Variants in TBC1D8 observed in about 807,000 individuals in gnomAD.
TBC1D8 encodes TBC1 domain family member 8, also known as BUB2-like protein 1.
A neutral mutation model predicts 118.8 loss-of-function variants in TBC1D8; 65 were observed. The observed-to-expected ratio is 0.55, with a 90% CI of 0.45 to 0.67. TBC1D8 has a LOEUF of 0.67. Among genes scored for constraint, TBC1D8 ranks in the 30% least tolerant of loss-of-function variants. TBC1D8 has a pLI of 0.00. For missense variants in TBC1D8, 1,376 were observed against 1,471.2 expected (o/e 0.94, Z 1.06); for synonymous variants, 566 against 595.8 (o/e 0.95, Z 0.73).
rs62152492 is a variant in TBC1D8, at chr2:101,134,205, A to T, written c.127+16922T>A. 3.0e-3 allele frequency among the ~76,000 whole-genome samples: 211 copies of T among 70,480 alleles called. 1 individual carries two copies. The highest frequency in any genetic ancestry group is 5.7e-3 in the African/African-American group (88 of 15,380). 46.2% of individuals were successfully genotyped at this position (70,480 alleles called of 152,430 possible). On this transcript the variant is annotated intron_variant, in intron 1 of 19. Transcript: ENST00000409318. ...CTCTCTCTCTCTCTCTCTCACACAC[A>T]CACACACACACACACACACACACAC...
chr2:101,113,389 T>TA (rs60168240), intron 1 of TBC1D8, among the ~76,000 whole-genome samples: 130 of 146,158 alleles, frequency 8.9e-4, no homozygotes, highest in South Asian at 6.9e-3. Flanking sequence ...AATTGGAAGT[T>TA]AAAAAAAAAA....
chr2:101,143,280 C>T (rs923742673), intron 1 of TBC1D8, among the ~76,000 whole-genome samples: 2 of 151,996 alleles, frequency 1.3e-5, no homozygotes, highest in African/African-American at 4.8e-5. Context: ...CCAGGCTGGT[C>T]TCGAACTGCT....
intron 1 of TBC1D8, among the ~76,000 whole-genome samples, chr2:101,137,234 T>C (rs891280266): frequency 6.6e-6 from 1 of 151,874 alleles, no homozygotes; most frequent in African/African-American, 2.4e-5. Flanking sequence ...AGTTTCACCA[T>C]GTTGGTCAGG....
At chr2:101,095,031 G>C (rs1676306811) in intron 1 of TBC1D8, among the ~76,000 whole-genome samples, 1 of 152,118 alleles carries the variant, frequency 6.6e-6, no homozygotes, top group Non-Finnish European at 1.5e-5. Context: ...TGGAGGCTGA[G>C]TGTGTAAGAA....
chr2:101,102,391 T>G (rs62155204), intron 1 of TBC1D8, among the ~76,000 whole-genome samples: 1,983 of 151,700 alleles, frequency 0.013, 33 homozygotes, highest in Non-Finnish European at 0.017. Flanking sequence ...GAGGCAGACA[T>G]AGCAGTGAGC....
At chr2:101,073,877 T>C (rs936346729) in intron 2 of TBC1D8, among the ~76,000 whole-genome samples, 3 of 152,254 alleles carry the variant, frequency 2.0e-5, no homozygotes, top group Non-Finnish European at 4.4e-5. Context: ...AGAGATGTTG[T>C]GGCTTGTTTG....
intron 2 of TBC1D8, among the ~76,000 whole-genome samples, chr2:101,062,708 T>C (rs958073215): frequency 6.6e-6 from 1 of 152,182 alleles, no homozygotes; most frequent in Non-Finnish European, 1.5e-5. Flanking sequence ...AGTGGTATGA[T>C]CTTGGCTCAC....
At position 101,071,373 on chromosome 2, in the gene TBC1D8, AT is replaced by A. The variant is rs1051444717; in HGVS notation, c.284-11835del. On this transcript the variant is annotated intron_variant, in intron 2 of 19. Transcript: ENST00000409318. ...AACAAACAAACAAACAAACAAATAA[AT>A]AAATAAATAAATAAATAAGCATCGG... Among the ~76,000 whole-genome samples the A allele has an allele frequency of 6.1e-4, 92 of 151,492 alleles. No individual in the cohort carries two copies. In the South Asian group the frequency reaches 0.01, roughly 17 times the overall value.
intron 2 of TBC1D8, among the ~76,000 whole-genome samples, chr2:101,089,769 C>T (rs1460602160): frequency 6.6e-6 from 1 of 152,000 alleles, no homozygotes; most frequent in Non-Finnish European, 1.5e-5. Context: ...TGTATGCATC[C>T]AGGAGCACAT....
intron 1 of TBC1D8, among the ~76,000 whole-genome samples, chr2:101,116,669 C>A (rs1208249721): frequency 6.7e-6 from 1 of 149,880 alleles, no homozygotes; most frequent in Non-Finnish European, 1.5e-5. Context: ...GAGACAGAGT[C>A]TCCCTCTGTC....
rs780754738 is a variant in TBC1D8, at chr2:101,008,053, C to T, written c.3236G>A (p.Gly1079Glu). ...TGCCTGGGAGTCCTGGGGCGTCTTC[C>T]CAGTGTCTGCAAAAACCGAGTCCTC... The part of the protein sequence containing the change: ...SPEDSVFADT[G>E]KTPQDSQAFP... Residue 1079 changes from glycine to glutamate, a missense_variant, in exon 20 of 20, where the codon GGG becomes GAG. Gly to Glu is a moderately conservative substitution (Grantham distance 98, BLOSUM62 -2). Coordinates refer to ENST00000409318, the MANE Select transcript of TBC1D8 (RefSeq NM_001330348.2). 1 of 1,613,938 alleles carries T rather than the reference C, an allele frequency of 6.2e-7. No individual in the cohort carries two copies. Among genetic ancestry groups the T allele is most frequent in the South Asian group, 1.1e-5 (1 of 91,072 alleles).
chr2:101,121,496 C>T (rs1258391170), intron 1 of TBC1D8, among the ~76,000 whole-genome samples: 1 of 152,220 alleles, frequency 6.6e-6, no homozygotes, highest in Non-Finnish European at 1.5e-5. Flanking sequence ...TGTCTGGTGA[C>T]AGCCCATTTC....
chr2:101,147,524 A>G (rs953563901), intron 1 of TBC1D8, among the ~76,000 whole-genome samples: 4 of 152,212 alleles, frequency 2.6e-5, no homozygotes, highest in Non-Finnish European at 5.9e-5. Context: ...CATTAATTAA[A>G]TAAACAAGTA....
chr2:101,081,976 T>C (rs748374810), intron 2 of TBC1D8, among the ~76,000 whole-genome samples: 13 of 152,070 alleles, frequency 8.5e-5, no homozygotes, highest in South Asian at 8.3e-4. Flanking sequence ...CTGTCTCTAC[T>C]AAAAATACAA....
In TBC1D8 at chr2:101,050,420, G is replaced by A. The variant is rs1435640251; in HGVS notation, c.853C>T (p.Pro285Ser). 2 of 1,613,232 alleles carry A rather than the reference G, an allele frequency of 1.2e-6. No homozygotes were observed. Among genetic ancestry groups the A allele is most frequent in the African/African-American group, 2.7e-5 (2 of 74,908 alleles). ...VFDLDPDLQEPSQITKRDLEA... is the reference protein window; with the variant it reads ...VFDLDPDLQESSQITKRDLEA... ...TTTCACCTCTTGGTGATCTGGCTCG[G>A]CTCCTGCAGATCGGGGTCGAGGTCA... The change falls in exon 5 of 20, where the codon CCG (proline) becomes TCG (serine). Residue 285 changes from proline (P) to serine (S), a missense_variant. Transcript: ENST00000409318.
At chr2:101,022,679 C>A (rs925524187) in intron 15 of TBC1D8, among the ~76,000 whole-genome samples, 158 bp from the exon 16 acceptor site, 6 of 152,224 alleles carry the variant, frequency 3.9e-5, no homozygotes, top group Admixed American at 6.5e-5. Context: ...CCCACATGAA[C>A]ATGTAATTTT....
chr2:101,109,180 C>T (rs1242118286), intron 1 of TBC1D8, among the ~76,000 whole-genome samples: 1 of 152,058 alleles, frequency 6.6e-6, no homozygotes, highest in Admixed American at 6.6e-5. Context: ...AGGGGGTAAA[C>T]TAGAGCATTC....
chr2:101,050,700 G>A (rs977990858), intron 4 of TBC1D8, 59 bp from the exon 5 acceptor site: 2 of 1,580,752 alleles, frequency 1.3e-6, no homozygotes, highest in Non-Finnish European at 1.7e-6. Flanking sequence ...AAACTTGAGT[G>A]TGTCAGCAAG....
Position 101,033,561 on chromosome 2 carries a change from TG to T in TBC1D8, c.1800del (p.Lys601ArgfsTer8). 1 of 1,613,862 alleles carries T rather than the reference TG, an allele frequency of 6.2e-7. No individual in the cohort carries two copies. Among genetic ancestry groups the T allele is most frequent in the African/African-American group, 1.3e-5 (1 of 74,984 alleles). ...RVLTAYAHRN[P>X]KIGYCQSMNI... ...CCTTTCACCTGGCAGTATCCAATCT[TG>T]GGGTTCCGGTGGGCATAGGCCGTCA... On this transcript the variant is annotated frameshift_variant, in exon 10 of 20. Transcript: ENST00000409318. LOFTEE classifies it high-confidence loss of function.
Sources: allele counts gnomAD v4.1 joint callset (sites outside exome capture counted in the v4.1 genomes callset), GRCh38; gene constraint gnomAD v4.1.1; transcripts MANE v1.5; gene names NCBI Gene and HGNC (gene_info 2026-07-23, HGNC 2026-07-21).